Variants in ABTB3 observed in about 807,000 individuals in gnomAD.
ABTB3 encodes ankyrin repeat and BTB domain containing 3.
the ABTB3 span, among the ~76,000 whole-genome samples, chr12:107,442,575 G>A: frequency 6.6e-6 from 1 of 152,170 alleles, no homozygotes; most frequent in African/African-American, 2.4e-5. Context: ...GGCTTGTGGG[G>A]CTCTTTCCTT....
the ABTB3 span, among the ~76,000 whole-genome samples, chr12:107,598,498 G>A: frequency 4.6e-5 from 7 of 152,218 alleles, no homozygotes; most frequent in East Asian, 1.3e-3. Context: ...TGACACAGGT[G>A]ATTCTATATT....
chr12:107,612,209 G>C, the ABTB3 span, among the ~76,000 whole-genome samples: 1 of 151,540 alleles, frequency 6.6e-6, no homozygotes, highest in Non-Finnish European at 1.5e-5. Flanking sequence ...ATAGAAGCAA[G>C]AGTCATTGGT....
chr12:107,553,380 A>G, the ABTB3 span, among the ~76,000 whole-genome samples: 1 of 152,218 alleles, frequency 6.6e-6, no homozygotes, highest in East Asian at 1.9e-4. Context: ...GGAAACTGAG[A>G]TGCAACACGG....
the ABTB3 span, among the ~76,000 whole-genome samples, chr12:107,390,699 G>A: frequency 6.6e-6 from 1 of 152,200 alleles, no homozygotes; most frequent in South Asian, 2.1e-4. Context: ...ACAGACTGAT[G>A]ATCTTGGAGG....
At chr12:107,506,361 T>C in the ABTB3 span, among the ~76,000 whole-genome samples, 1 of 152,116 alleles carries the variant, frequency 6.6e-6, no homozygotes, top group Admixed American at 6.6e-5. Context: ...GTAAGCACAC[T>C]CAAAAGGCAG....
chr12:107,536,660 T>G, the ABTB3 span, among the ~76,000 whole-genome samples: 36 of 152,054 alleles, frequency 2.4e-4, no homozygotes, highest in Admixed American at 2.4e-3. Context: ...ATCGAGGAAA[T>G]GCAAATCAAA....
the ABTB3 span, among the ~76,000 whole-genome samples, chr12:107,545,905 T>A: frequency 2.6e-5 from 4 of 152,134 alleles, no homozygotes; most frequent in Non-Finnish European, 5.9e-5. Context: ...CCTCATGTCA[T>A]CTCCTGCTCC....
the ABTB3 span, among the ~76,000 whole-genome samples, chr12:107,350,317 C>T: frequency 3.2e-4 from 48 of 151,978 alleles, no homozygotes; most frequent in East Asian, 1.9e-4. Flanking sequence ...TTTGGGAGGC[C>T]GAGGCGAGGG....
At chr12:107,320,474 G>GGGCTCCTTA in the ABTB3 span, 9 of 429,234 alleles carry the variant, frequency 2.1e-5, no homozygotes, top group Middle Eastern at 4.7e-4. Context: ...CGCATGAATT[G>GGGCTCCTTA]GGCTCCCTAG....
At chr12:107,515,860 A>G in the ABTB3 span, among the ~76,000 whole-genome samples, 1 of 152,148 alleles carries the variant, frequency 6.6e-6, no homozygotes, top group Non-Finnish European at 1.5e-5. Context: ...CAGACTGCCC[A>G]TGTCGACCCA....
chr12:107,470,005 T>TC, the ABTB3 span, among the ~76,000 whole-genome samples: 17 of 98,440 alleles, frequency 1.7e-4, 1 homozygote, highest in South Asian at 6.8e-4. Flanking sequence ...TCTTTCTTTC[T>TC]TTCTTTCTCT....
the ABTB3 span, among the ~76,000 whole-genome samples, chr12:107,423,221 T>C: frequency 6.6e-6 from 1 of 152,336 alleles, no homozygotes; most frequent in African/African-American, 2.4e-5. Context: ...AAGAATTTTT[T>C]CAATAAGTGA....
chr12:107,415,869 A>G, the ABTB3 span, among the ~76,000 whole-genome samples: 1 of 152,086 alleles, frequency 6.6e-6, no homozygotes, highest in East Asian at 1.9e-4. Context: ...GCTTCATGCC[A>G]TGCTGCCTCG....
the ABTB3 span, among the ~76,000 whole-genome samples, chr12:107,645,011 T>C: frequency 6.9e-6 from 1 of 144,402 alleles, no homozygotes; most frequent in East Asian, 2.0e-4. Context: ...TTGCCCTTGT[T>C]GCCCAGGCTG....
At chr12:107,481,353 G>A in the ABTB3 span, among the ~76,000 whole-genome samples, 1 of 152,116 alleles carries the variant, frequency 6.6e-6, no homozygotes, top group Non-Finnish European at 1.5e-5. Flanking sequence ...CCTCAGGAAT[G>A]GATATAGGCC....
At chr12:107,472,691 C>T in the ABTB3 span, among the ~76,000 whole-genome samples, 1 of 152,156 alleles carries the variant, frequency 6.6e-6, no homozygotes, top group Non-Finnish European at 1.5e-5. Flanking sequence ...ATCAGCACCG[C>T]GCCAAGTGGG....
chr12:107,436,537 C>G, the ABTB3 span, among the ~76,000 whole-genome samples: 1 of 152,218 alleles, frequency 6.6e-6, no homozygotes, highest in Non-Finnish European at 1.5e-5. Context: ...CTGGAATGTT[C>G]TAAGGATGTG....
chr12:107,439,242 T>G, the ABTB3 span, among the ~76,000 whole-genome samples: 2 of 152,210 alleles, frequency 1.3e-5, no homozygotes, highest in Non-Finnish European at 2.9e-5. Context: ...CATGCCTGGC[T>G]TAACGATAAG....
chr12:107,415,408 T>C, the ABTB3 span, among the ~76,000 whole-genome samples: 1 of 152,052 alleles, frequency 6.6e-6, no homozygotes, highest in Non-Finnish European at 1.5e-5. Context: ...AACTACTTTT[T>C]GGATAAAAAC....
Sources: allele counts gnomAD v4.1 joint callset (sites outside exome capture counted in the v4.1 genomes callset), GRCh38; gene constraint gnomAD v4.1.1; transcripts MANE v1.5; gene names NCBI Gene and HGNC (gene_info 2026-07-23, HGNC 2026-07-21).